Variants in LINGO2 observed in about 807,000 individuals in gnomAD.
The protein encoded by LINGO2 is leucine-rich repeat and immunoglobulin-like domain-containing nogo receptor-interacting protein 2.
Under a neutral mutation model 30.6 loss-of-function variants are expected in LINGO2, and 14 were observed. That is an observed-to-expected ratio of 0.46 (90% CI 0.30 to 0.72). The LOEUF is 0.72. Among genes scored for constraint, LINGO2 ranks in the 30% least tolerant of loss-of-function variants. The probability of loss-of-function intolerance (pLI) is 0.07; values close to 1 mark genes in which losing one functional copy is unlikely to be tolerated. For synonymous variants in LINGO2, 317 were observed against 288.5 expected (o/e 1.10, Z -1.00); for missense variants, 729 against 751.7 (o/e 0.97, Z 0.35).
chr9:28,465,425 G>A (rs550307994), intron 2 of LINGO2, among the ~76,000 whole-genome samples: 28 of 152,166 alleles, frequency 1.8e-4, no homozygotes, highest in East Asian at 9.7e-4. Flanking sequence ...GTGTGTGTGC[G>A]CTGAGTTTGG....
At chr9:28,159,603 C>T (rs962581686) in intron 4 of LINGO2, among the ~76,000 whole-genome samples, 4 of 149,788 alleles carry the variant, frequency 2.7e-5, no homozygotes, top group South Asian at 2.1e-4. Flanking sequence ...TTTTCTGATA[C>T]GAAATTTTCT....
At chr9:28,814,009 T>A in the LINGO2 span, among the ~76,000 whole-genome samples, 3 of 152,152 alleles carry the variant, frequency 2.0e-5, no homozygotes, top group Non-Finnish European at 2.9e-5. Context: ...AGGAAGCATA[T>A]ATATACAATA....
rs79045294 is a variant in LINGO2, at chr9:27,992,341, T to G, written c.-36+20014A>C. On this transcript the variant is annotated intron_variant, in intron 5 of 5. Transcript: ENST00000379992. ...AAAACGTAGCCATAGATACAATGAC[T>G]ACATAAATCATGATGTGTTGGTTCA... Among the ~76,000 whole-genome samples the G allele has an allele frequency of 2.7e-3, 415 of 152,284 alleles. 19 individuals carry two copies. In the East Asian group the frequency reaches 0.072, roughly 27 times the overall value.
At chr9:28,787,826 A>G in the LINGO2 span, among the ~76,000 whole-genome samples, 915 of 152,294 alleles carry the variant, frequency 6.0e-3, 11 homozygotes, top group African/African-American at 0.021. Context: ...TAACACTTCT[A>G]ATGATTGGCA....
the LINGO2 span, among the ~76,000 whole-genome samples, chr9:28,972,627 T>C: frequency 6.6e-6 from 1 of 152,276 alleles, no homozygotes; most frequent in Admixed American, 6.5e-5. Flanking sequence ...AAGAGACGTA[T>C]TAGTCTGTTC....
At chr9:28,105,721 T>C (rs866157316) in intron 4 of LINGO2, among the ~76,000 whole-genome samples, 1 of 148,024 alleles carries the variant, frequency 6.8e-6, no homozygotes, top group East Asian at 2.0e-4. Flanking sequence ...CCTGTCTCAC[T>C]CTCTCTCTCT....
the LINGO2 span, among the ~76,000 whole-genome samples, chr9:28,708,436 G>T: frequency 5.3e-4 from 81 of 152,156 alleles, no homozygotes; most frequent in African/African-American, 1.8e-3. Context: ...TTATCTGTCT[G>T]CCTTAGCTGC....
chr9:28,584,793 A>G (rs1304401221), intron 1 of LINGO2, among the ~76,000 whole-genome samples: 2 of 152,050 alleles, frequency 1.3e-5, no homozygotes, highest in Non-Finnish European at 2.9e-5. Flanking sequence ...AATTCATGAG[A>G]ATGCTATTAT....
chr9:28,539,055 T>A (rs891328100), intron 1 of LINGO2, among the ~76,000 whole-genome samples: 5 of 151,954 alleles, frequency 3.3e-5, no homozygotes, highest in Non-Finnish European at 5.9e-5. Context: ...TAAAAACAAA[T>A]AAACTCGTAA....
intron 2 of LINGO2, among the ~76,000 whole-genome samples, chr9:28,449,222 A>G (rs1338633753): frequency 1.3e-5 from 2 of 152,024 alleles, no homozygotes; most frequent in African/African-American, 2.4e-5. Flanking sequence ...AGCTGTCTCC[A>G]CTGTATTCCA....
At chr9:28,646,994 A>C (rs748903557) in intron 1 of LINGO2, among the ~76,000 whole-genome samples, 2 of 152,068 alleles carry the variant, frequency 1.3e-5, no homozygotes, top group Admixed American at 6.6e-5. Context: ...GTGGTGACTC[A>C]ACTGAGAAAG....
the LINGO2 span, among the ~76,000 whole-genome samples, chr9:28,884,996 TTA>T: frequency 0.17 from 2,741 of 15,818 alleles, 208 homozygotes; most frequent in South Asian, 0.37. Context: ...TAATAATATA[TTA>T]TATATATATA....
chr9:28,805,087 T>C, the LINGO2 span, among the ~76,000 whole-genome samples: 6 of 152,264 alleles, frequency 3.9e-5, no homozygotes, highest in South Asian at 1.0e-3. Context: ...TTCTTAATAA[T>C]TGAGAGATTC....
intron 4 of LINGO2, among the ~76,000 whole-genome samples, chr9:28,049,765 C>T (rs1469254312): frequency 6.7e-6 from 1 of 150,316 alleles, no homozygotes; most frequent in East Asian, 2.0e-4. Context: ...GAACCAAGTA[C>T]AAGGTGGGAT....
Position 28,077,824 on chromosome 9 carries a change from TAAGAA to T in LINGO2, c.-86-65424_-86-65420del, listed in dbSNP as rs1444376192. Among the ~76,000 whole-genome samples, 2 of 148,994 alleles carry T rather than the reference TAAGAA, an allele frequency of 1.3e-5. 1 individual carries two copies. The highest frequency in any genetic ancestry group is 5.2e-5 in the African/African-American group (2 of 38,436). ...AGAAGAAAGAAGTAGAAAAGAAAGA[TAAGAA>T]AAGGAAGAATCCTCAATCTAATAAC... On this transcript the variant is annotated intron_variant, in intron 4 of 5. Coordinates refer to ENST00000379992, the Ensembl canonical transcript of LINGO2.
intron 4 of LINGO2, among the ~76,000 whole-genome samples, chr9:28,107,587 C>T (rs1826633597): frequency 6.6e-6 from 1 of 152,090 alleles, no homozygotes; most frequent in African/African-American, 2.4e-5. Context: ...TGCTTTAGTT[C>T]CAATAGTTGT....
chr9:29,058,445 C>T, the LINGO2 span, among the ~76,000 whole-genome samples: 8 of 151,744 alleles, frequency 5.3e-5, 1 homozygote, highest in South Asian at 1.7e-3. Flanking sequence ...ACATAAATGG[C>T]CTATGAAAAA....
chr9:27,967,996 T>C (rs550940552), intron 5 of LINGO2, among the ~76,000 whole-genome samples: 2 of 152,286 alleles, frequency 1.3e-5, no homozygotes, highest in East Asian at 3.9e-4. Flanking sequence ...ATTTGGGAAC[T>C]TTTATCTACT....
the LINGO2 span, among the ~76,000 whole-genome samples, chr9:28,738,104 C>T: frequency 6.6e-6 from 1 of 152,214 alleles, no homozygotes; most frequent in African/African-American, 2.4e-5. Context: ...ACCCTTTCTT[C>T]CTATAATTTG....
Sources: gnomAD v4.1 joint callset for allele counts (sites outside exome capture counted in the v4.1 genomes callset) on GRCh38, gnomAD v4.1.1 for gene constraint, MANE v1.5 for transcripts, NCBI Gene and HGNC (gene_info 2026-07-23, HGNC 2026-07-21) for gene names.